CEP295: variants seen among roughly 807,000 people sequenced by gnomAD.
The protein encoded by CEP295 is centrosomal protein of 295 kDa.
In CEP295, 190 loss-of-function variants were observed where a neutral mutation model predicts 291.6. The ratio of observed to expected loss-of-function variants is 0.65; its 90% CI spans 0.58 to 0.73. CEP295 has a LOEUF of 0.73. Ranked by LOEUF, CEP295 falls within the 30% of genes least tolerant of loss-of-function variation. CEP295 has a pLI of 0.00. For missense variants in CEP295, 2,863 were observed against 2,949.4 expected (o/e 0.97, Z 0.68); for synonymous variants, 993 against 1,038.8 (o/e 0.96, Z 0.85).
At chr11:93,700,638 T>G (rs1237808016) in intron 15 of CEP295, among the ~76,000 whole-genome samples, 1 of 151,870 alleles carries the variant, frequency 6.6e-6, no homozygotes, top group Non-Finnish European at 1.5e-5. Flanking sequence ...TTCCCCATGT[T>G]GCTGGGATTA....
intron 18 of CEP295, among the ~76,000 whole-genome samples, chr11:93,714,119 T>A (rs1357252047): frequency 6.6e-6 from 1 of 152,254 alleles, no homozygotes; most frequent in Non-Finnish European, 1.5e-5. Context: ...ATTCTCTGTC[T>A]GAAATGTCAC....
At chr11:93,703,738 A>G (rs1952329080) in intron 17 of CEP295, among the ~76,000 whole-genome samples, 1 of 151,824 alleles carries the variant, frequency 6.6e-6, no homozygotes, top group Non-Finnish European at 1.5e-5. Flanking sequence ...GTGTCAGAAA[A>G]AAATAATAAA....
intron 11 of CEP295, 52 bp from the exon 12 acceptor site, chr11:93,691,875 T>G (rs1951571229): frequency 3.0e-6 from 4 of 1,316,722 alleles, no homozygotes. Flanking sequence ...ATTATAGTGG[T>G]GTCAAAATTC....
intron 7 of CEP295, 67 bp from the exon 8 acceptor site, chr11:93,683,492 C>A: frequency 8.4e-7 from 1 of 1,183,890 alleles, no homozygotes; most frequent in Non-Finnish European, 1.2e-6. Context: ...CCCCTACCTG[C>A]AACATTGTTA....
chr11:93,729,150 T>C (rs1937930352), intron 25 of CEP295: 2 of 501,814 alleles, frequency 4.0e-6, no homozygotes, highest in African/African-American at 1.9e-5. Flanking sequence ...GTAATTTTAC[T>C]AGGGGAGTAG....
At position 93,669,789 on chromosome 11, in the gene CEP295, A is replaced by T. The variant is rs1214284027; in HGVS notation, c.528+19A>T. ...TTTTGAGGTGAGTTTGAGTATTAAGAGGAACTAGGTCATAATTCTTCTTTA... is the reference window on the plus strand; with the variant it reads ...TTTTGAGGTGAGTTTGAGTATTAAGTGGAACTAGGTCATAATTCTTCTTTA... On this transcript the variant is annotated intron_variant, in intron 5 of 29. Coordinates refer to ENST00000325212, the MANE Select transcript of CEP295 (RefSeq NM_033395.2). 1 of 1,456,028 alleles carries T rather than the reference A, an allele frequency of 6.9e-7. No homozygotes were observed. The highest frequency in any genetic ancestry group is 9.4e-7 in the Non-Finnish European group (1 of 1,061,164). 90.2% of individuals were successfully genotyped at this position (1,456,028 alleles called of 1,614,324 possible).
Position 93,729,981 on chromosome 11 carries a change from T to TC in CEP295, c.7667+12_7667+13insC. 8.4e-7 allele frequency: 1 copy of TC among 1,196,412 alleles called. No homozygotes were observed. The highest frequency in any genetic ancestry group is 1.1e-6 in the Non-Finnish European group (1 of 887,028). The allele number at this position is 1,196,412 out of a possible 1,614,324, so 74.1% of individuals were successfully genotyped here. ...CAAAGGGGTCTAAGGTAGGGTTAAT[T>TC]TTTTTTTTTTTTTTAGTGATTCACT... is the stretch of plus-strand genomic sequence containing the variant. On this transcript the variant is annotated intron_variant, in intron 28 of 29. Coordinates refer to ENST00000325212, the MANE Select transcript of CEP295 (RefSeq NM_033395.2).
chr11:93,676,723 T>A (rs1950711765), intron 6 of CEP295, among the ~76,000 whole-genome samples: 2 of 152,068 alleles, frequency 1.3e-5, no homozygotes, highest in Non-Finnish European at 2.9e-5. Context: ...TTTGAAAAGA[T>A]GCTACCTTTT....
Position 93,681,403 on chromosome 11 carries a change from A to ATTTTTTTTTTTTT in CEP295, c.765+1869_765+1881dup, listed in dbSNP as rs71064773. ...AGGCTCGCGTCACCACACCCAGCTAATTTTTTTTTTTTTTTTTTTTTTTTT... is the reference window on the plus strand; with the variant it reads ...AGGCTCGCGTCACCACACCCAGCTAATTTTTTTTTTTTTTTTTTTTTTTTTTTTTTTTTTTTTT... On this transcript the variant is annotated intron_variant, in intron 7 of 29. Coordinates refer to ENST00000325212, the MANE Select transcript of CEP295 (RefSeq NM_033395.2). Among the ~76,000 whole-genome samples the ATTTTTTTTTTTTT allele has an allele frequency of 6.6e-4, 24 of 36,532 alleles. 7 individuals carry two copies. The highest frequency in any genetic ancestry group is 8.3e-4 in the Non-Finnish European group (19 of 22,962). The allele number at this position is 36,532 out of a possible 152,430, so 24.0% of individuals were successfully genotyped here.
At chr11:93,712,190 A>G (rs1195297470) in intron 18 of CEP295, among the ~76,000 whole-genome samples, 1 of 150,858 alleles carries the variant, frequency 6.6e-6, no homozygotes, top group Non-Finnish European at 1.5e-5. Flanking sequence ...TTAACCCCTT[A>G]TCATTATATA....
chr11:93,664,082 G>A (rs1003082709), intron 1 of CEP295, among the ~76,000 whole-genome samples: 19 of 151,890 alleles, frequency 1.3e-4, no homozygotes, highest in African/African-American at 4.3e-4. Context: ...TTTTGTGTCT[G>A]GCTTTTTAAA....
At chr11:93,678,282 A>C (rs924041181) in intron 6 of CEP295, among the ~76,000 whole-genome samples, 10 of 152,234 alleles carry the variant, frequency 6.6e-5, no homozygotes, top group African/African-American at 2.4e-4. Context: ...ATATTGATAT[A>C]CTAAATACTC....
At position 93,699,966 on chromosome 11, in the gene CEP295, C is replaced by A. The variant is rs150181672; in HGVS notation, c.5054C>A (p.Pro1685His). Residue 1685 changes from proline (P) to histidine (H), a missense_variant, in exon 15 of 30, where the codon CCT becomes CAT. Around this residue, in one of 3 missense-constraint regions of CEP295, gnomAD observed 2,295 missense variants for 2,335.7 expected, o/e 0.98. Transcript: ENST00000325212. ...GAACATGCAGCCCCCCCAAGTAATCCTGTGATCCCAGGGTTTCAAGATAGA... is the reference window on the plus strand; with the variant it reads ...GAACATGCAGCCCCCCCAAGTAATCATGTGATCCCAGGGTTTCAAGATAGA... The part of the protein sequence containing the change: ...QNEHAAPPSN[P>H]VIPGFQDRLL... 169 of 1,551,736 alleles carry A rather than the reference C, an allele frequency of 1.1e-4. No homozygotes were observed. The highest frequency in any genetic ancestry group is 5.5e-4 in the Admixed American group (28 of 51,004).
chr11:93,687,506 T>C (rs1951302934), intron 9 of CEP295, 138 bp from the exon 10 acceptor site: 1 of 573,596 alleles, frequency 1.7e-6, no homozygotes, highest in South Asian at 2.3e-5. Context: ...TTGTATATAC[T>C]GTTAAATCGT....
intron 1 of CEP295, among the ~76,000 whole-genome samples, chr11:93,664,451 C>A (rs4753488): frequency 0.91 from 137,871 of 152,272 alleles, 63,492 homozygotes; most frequent in Non-Finnish European, 0.99. Context: ...ATAATCAGTA[C>A]TTTAGTTACC....
intron 6 of CEP295, 131 bp from the exon 7 acceptor site, chr11:93,679,281 G>A: frequency 1.3e-6 from 1 of 763,536 alleles, no homozygotes; most frequent in South Asian, 2.1e-5. Flanking sequence ...GATAATTGTG[G>A]ACATTTTAAA....
At chr11:93,671,484 A>G (rs542240944) in intron 5 of CEP295, among the ~76,000 whole-genome samples, 2 of 152,234 alleles carry the variant, frequency 1.3e-5, no homozygotes, top group South Asian at 2.1e-4. Context: ...TGCCCCAGCA[A>G]ATGACCTAGG....
At chr11:93,663,553 T>TA (rs1360048529) in intron 1 of CEP295, among the ~76,000 whole-genome samples, 13 of 152,290 alleles carry the variant, frequency 8.5e-5, no homozygotes, top group African/African-American at 2.6e-4. Flanking sequence ...TGTAGATTAG[T>TA]AAAAAATATT....
chr11:93,685,302 TTTATGTAGGCCTCCTA>T (rs1951172688), intron 9 of CEP295, among the ~76,000 whole-genome samples: 3 of 152,256 alleles, frequency 2.0e-5, no homozygotes, highest in South Asian at 2.1e-4. Context: ...GGATTCCAAC[TTTATGTAGGCCTCCTA>T]TTATGTAGGC....
Sources: gnomAD v4.1 joint callset for allele counts (sites outside exome capture counted in the v4.1 genomes callset) on GRCh38, gnomAD v4.1.1 for gene constraint, gnomAD v4.1.1 regional missense constraint, MANE v1.5 for transcripts, NCBI Gene and HGNC (gene_info 2026-07-23, HGNC 2026-07-21) for gene names.